PLD5: variants seen among roughly 807,000 people sequenced by gnomAD.
The protein encoded by PLD5 is phospholipase D family member 5.
A neutral mutation model predicts 61.1 loss-of-function variants in PLD5; 36 were observed. That is an observed-to-expected ratio of 0.59 (90% CI 0.45 to 0.78). The LOEUF (loss-of-function observed/expected upper bound fraction) is 0.78. Ranked by LOEUF, PLD5 falls within the 30% of genes least tolerant of loss-of-function variation. The pLI is 0.00. For synonymous variants in PLD5, 243 were observed against 242.8 expected, an observed-to-expected ratio of 1.00 and a Z score of -0.01; for missense variants, 515 against 644.4, an observed-to-expected ratio of 0.80 and a Z score of 2.17.
intron 1 of PLD5, among the ~76,000 whole-genome samples, chr1:242,494,762 T>C (rs551806743): frequency 6.6e-6 from 1 of 152,338 alleles, no homozygotes; most frequent in South Asian, 2.1e-4. Context: ...CCTTTCTTTA[T>C]GAGGGCTCTT....
In PLD5 at chr1:242,083,385, C is replaced by T. The variant is rs1659336370; in HGVS notation, c.*6469G>A. The T allele has an allele frequency of 6.6e-6, 1 of 152,144 alleles. No individual in the cohort carries two copies. Among genetic ancestry groups the T allele is most frequent in the Admixed American group, 6.5e-5 (1 of 15,268 alleles). The allele number at this position is 152,144 out of a possible 1,614,324, so 9.4% of individuals were successfully genotyped here. A position where few individuals can be genotyped will look rare whatever the true frequency, so the allele number is the denominator to read the frequency against. On this transcript the variant is annotated 3_prime_UTR_variant, in exon 10 of 10. Transcript: ENST00000536534. ...TTGGGTCGGGTACTGAACCTTGGTA[C>T]AATCAGCTGTGGCCAGTGTAGAGAG...
intron 5 of PLD5, among the ~76,000 whole-genome samples, chr1:242,216,161 C>T (rs997458675): frequency 2.0e-5 from 3 of 152,156 alleles, no homozygotes; most frequent in African/African-American, 7.2e-5. Context: ...ATGTTATTTG[C>T]TAATTCTAGG....
At chr1:242,377,973 T>G (rs1662060978) in intron 1 of PLD5, among the ~76,000 whole-genome samples, 1 of 152,142 alleles carries the variant, frequency 6.6e-6, no homozygotes, top group South Asian at 2.1e-4. Context: ...CTCAGAAAAA[T>G]TTAAGATAAG....
At chr1:242,283,313 G>A (rs951156808) in intron 3 of PLD5, among the ~76,000 whole-genome samples, 2 of 152,150 alleles carry the variant, frequency 1.3e-5, no homozygotes, top group African/African-American at 4.8e-5. Flanking sequence ...TACTCTTCCA[G>A]AGACCAGACC....
intron 3 of PLD5, among the ~76,000 whole-genome samples, chr1:242,287,591 A>T (rs1259641211): frequency 6.6e-6 from 1 of 152,112 alleles, no homozygotes; most frequent in Non-Finnish European, 1.5e-5. Context: ...ATACCACTAC[A>T]TTTTGCATAA....
At chr1:242,434,582 T>C (rs1332960002) in intron 1 of PLD5, among the ~76,000 whole-genome samples, 1 of 152,196 alleles carries the variant, frequency 6.6e-6, no homozygotes, top group Non-Finnish European at 1.5e-5. Context: ...ATGTTATCTA[T>C]GGTCTATTGA....
At chr1:242,291,681 C>G (rs1287600799) in intron 2 of PLD5, among the ~76,000 whole-genome samples, 5 of 152,046 alleles carry the variant, frequency 3.3e-5, no homozygotes, top group Non-Finnish European at 5.9e-5. Context: ...TGGTGGGCGC[C>G]TGTAGTCCCA....
In PLD5 at chr1:242,273,083, C is replaced by T. The variant is rs535841277; in HGVS notation, c.496-7635G>A. 2.2e-3 allele frequency among the ~76,000 whole-genome samples: 342 copies of T among 152,210 alleles called. 1 individual carries two copies. The highest frequency in any genetic ancestry group is 0.01 in the Middle Eastern group (3 of 294). On this transcript the variant is annotated intron_variant, in intron 3 of 9. Coordinates refer to ENST00000536534, the MANE Select transcript of PLD5 (RefSeq NM_001372062.1). Reference sequence around the variant, plus strand: ...TAATGCTCTCCCTCCCCTTGCCCCCCATCCCCCAACAGGCCCTGGCATGTG... The same window carrying T: ...TAATGCTCTCCCTCCCCTTGCCCCCTATCCCCCAACAGGCCCTGGCATGTG...
rs759465537 is a variant in PLD5, at chr1:242,445,761, CTTTT to C, written c.189+78323_189+78326del. Among the ~76,000 whole-genome samples the C allele has an allele frequency of 1.9e-4, 25 of 129,708 alleles. 1 individual carries two copies. The highest frequency in any genetic ancestry group is 1.8e-3 in the Admixed American group (23 of 12,680). The allele number at this position is 129,708 out of a possible 152,430, so 85.1% of individuals were successfully genotyped here. ...TACAGTGAGGGGGTTTTATTCACTT[CTTTT>C]TTTTTTTTTTTTCAAGCTGCTTGCT... On this transcript the variant is annotated intron_variant, in intron 1 of 9. Transcript: ENST00000536534.
intron 1 of PLD5, among the ~76,000 whole-genome samples, chr1:242,350,160 T>C (rs796650975): frequency 1.6e-4 from 24 of 152,246 alleles, no homozygotes; most frequent in African/African-American, 5.1e-4. Flanking sequence ...AGATGCCAAA[T>C]CTACCAGCAT....
chr1:242,339,549 C>T (rs1659717762), intron 2 of PLD5, among the ~76,000 whole-genome samples: 1 of 152,166 alleles, frequency 6.6e-6, no homozygotes, highest in African/African-American at 2.4e-5. Context: ...TTTCCCACTC[C>T]TCTGCCAGCC....
chr1:242,497,668 AAAT>A (rs1668414887), intron 1 of PLD5, among the ~76,000 whole-genome samples: 1 of 152,272 alleles, frequency 6.6e-6, no homozygotes, highest in African/African-American at 2.4e-5. Context: ...TGCAGAAATT[AAAT>A]GAGATAACAT....
At chr1:242,312,537 C>T (rs1676763428) in intron 2 of PLD5, among the ~76,000 whole-genome samples, 1 of 152,100 alleles carries the variant, frequency 6.6e-6, no homozygotes, top group Non-Finnish European at 1.5e-5. Flanking sequence ...CCCCAGATAT[C>T]TGTGGGTCTA....
At chr1:242,357,752 G>A (rs555452412) in intron 1 of PLD5, among the ~76,000 whole-genome samples, 1 of 152,150 alleles carries the variant, frequency 6.6e-6, no homozygotes, top group South Asian at 2.1e-4. Flanking sequence ...CTCCCAAAGT[G>A]CTGGGATTAC....
In PLD5 at chr1:242,122,488, T is replaced by C. The variant is rs185702287; in HGVS notation, c.933+1980A>G. On this transcript the variant is annotated intron_variant, in intron 6 of 9. Coordinates refer to ENST00000536534, the MANE Select transcript of PLD5 (RefSeq NM_001372062.1). The stretch of plus-strand genomic sequence containing the variant: ...AGCGATCCACGCTTGGCATGTAGTG[T>C]CACCCTGTGGCCCTCTGGATTAAAG... Among the ~76,000 whole-genome samples, 28 of 152,338 alleles carry C rather than the reference T, an allele frequency of 1.8e-4. No individual in the cohort carries two copies. The East Asian group carries it at 4.2e-3, about 23-fold the overall frequency.
chr1:242,417,878 T>C (rs947423444), intron 1 of PLD5, among the ~76,000 whole-genome samples: 1 of 152,118 alleles, frequency 6.6e-6, no homozygotes, highest in East Asian at 1.9e-4. Flanking sequence ...CTGCAGGACC[T>C]TGTAGGCCAT....
chr1:242,262,023 C>T (rs879830119), intron 4 of PLD5, among the ~76,000 whole-genome samples: 2 of 152,128 alleles, frequency 1.3e-5, no homozygotes, highest in Non-Finnish European at 2.9e-5. Context: ...AAGACATGTA[C>T]AAGAATGCTC....
chr1:242,400,692 G>C (rs1026983891), intron 1 of PLD5, among the ~76,000 whole-genome samples: 10 of 152,116 alleles, frequency 6.6e-5, no homozygotes, highest in Non-Finnish European at 1.5e-4. Flanking sequence ...AAGGTTCTCT[G>C]ATTCCAAGTC....
chr1:242,430,362 G>A (rs1457478932), intron 1 of PLD5, among the ~76,000 whole-genome samples: 1 of 152,172 alleles, frequency 6.6e-6, no homozygotes, highest in Non-Finnish European at 1.5e-5. Context: ...CCATGGCAGA[G>A]AGAAAAAGAG....
Sources: allele counts gnomAD v4.1 joint callset (sites outside exome capture counted in the v4.1 genomes callset), GRCh38; gene constraint gnomAD v4.1.1; transcripts MANE v1.5; gene names NCBI Gene and HGNC (gene_info 2026-07-23, HGNC 2026-07-21).